AGBL4: variants seen among roughly 807,000 people sequenced by gnomAD.
The protein encoded by AGBL4 is cytosolic carboxypeptidase 6.
AGBL4 carries 58 observed loss-of-function variants against 66.4 expected under a neutral mutation model. That is an observed-to-expected ratio of 0.87 (90% CI 0.71 to 1.09). The LOEUF (loss-of-function observed/expected upper bound fraction) is 1.09. Among genes scored for constraint, AGBL4 ranks in the 50% least tolerant of loss-of-function variants. The probability of loss-of-function intolerance (pLI) is 0.00; values close to 1 mark genes in which losing one functional copy is unlikely to be tolerated. For synonymous variants in AGBL4, 234 were observed against 222.9 expected (o/e 1.05, Z -0.44); for missense variants, 579 against 631.0 (o/e 0.92, Z 0.88).
chr1:50,018,969 A>G (rs1235509980), intron 1 of AGBL4, among the ~76,000 whole-genome samples: 1 of 152,094 alleles, frequency 6.6e-6, no homozygotes, highest in East Asian at 1.9e-4. Flanking sequence ...TAACTTTAGC[A>G]CCAAAATTAA....
chr1:48,747,584 A>G (rs534203632), intron 6 of AGBL4, among the ~76,000 whole-genome samples: 3 of 152,362 alleles, frequency 2.0e-5, no homozygotes, highest in Non-Finnish European at 4.4e-5. Flanking sequence ...CAATAGATTT[A>G]GTGTTAGAAA....
chr1:49,423,476 A>G (rs1331991699), intron 3 of AGBL4, among the ~76,000 whole-genome samples: 1 of 152,174 alleles, frequency 6.6e-6, no homozygotes, highest in East Asian at 1.9e-4. Flanking sequence ...AGAATTTCAC[A>G]ATAGAAATCA....
At chr1:49,022,128 T>C (rs1432606233) in intron 5 of AGBL4, among the ~76,000 whole-genome samples, 1 of 152,200 alleles carries the variant, frequency 6.6e-6, no homozygotes, top group African/African-American at 2.4e-5. Flanking sequence ...TATCTTATTA[T>C]CCACTTTAAT....
Position 48,557,442 on chromosome 1 carries a change from C to T in AGBL4, c.1268-17704G>A, listed in dbSNP as rs79450874. Among the ~76,000 whole-genome samples the T allele has an allele frequency of 7.1e-3, 1,084 of 152,202 alleles. 20 individuals are homozygous for T. The highest frequency in any genetic ancestry group is 0.045 in the South Asian group (216 of 4,824). ...CAGAAGGTAAAGTGACCTGGCTCTT[C>T]CCCTCTCACTCCTTGGAAAGAAGGA... On this transcript the variant is annotated intron_variant, in intron 11 of 13. Coordinates refer to ENST00000371839, the MANE Select transcript of AGBL4 (RefSeq NM_032785.4).
intron 3 of AGBL4, among the ~76,000 whole-genome samples, chr1:49,634,373 T>A (rs1430250439): frequency 3.9e-5 from 6 of 152,170 alleles, no homozygotes; most frequent in African/African-American, 1.4e-4. Flanking sequence ...TTCATCCATG[T>A]CCCTGCAAAG....
intron 5 of AGBL4, among the ~76,000 whole-genome samples, chr1:48,919,594 T>C (rs1445538958): frequency 6.6e-6 from 1 of 152,116 alleles, no homozygotes; most frequent in Non-Finnish European, 1.5e-5. Context: ...TACAAATGGG[T>C]TAGATCAGGG....
chr1:48,713,502 G>A (rs6688700), intron 6 of AGBL4, among the ~76,000 whole-genome samples: 9,373 of 152,210 alleles, frequency 0.062, 403 homozygotes, highest in African/African-American at 0.13. Context: ...GAGAGGAGAG[G>A]TTAGGGCCCA....
At chr1:49,490,872 T>C (rs1254032043) in intron 3 of AGBL4, among the ~76,000 whole-genome samples, 1 of 151,754 alleles carries the variant, frequency 6.6e-6, no homozygotes, top group Non-Finnish European at 1.5e-5. Flanking sequence ...AAAGAAAATA[T>C]GAAAGGGGTT....
chr1:49,658,459 A>C (rs1051795497), intron 3 of AGBL4, among the ~76,000 whole-genome samples: 1 of 152,246 alleles, frequency 6.6e-6, no homozygotes, highest in African/African-American at 2.4e-5. Context: ...GCGATTCCTC[A>C]GGGATCTAGA....
intron 3 of AGBL4, among the ~76,000 whole-genome samples, chr1:49,577,550 T>C (rs946351195): frequency 1.2e-4 from 18 of 152,236 alleles, no homozygotes; most frequent in African/African-American, 3.6e-4. Flanking sequence ...CTCACTGGAA[T>C]AGACACTCAT....
rs867055724 is a variant in AGBL4, at chr1:49,257,996, G to C, written c.283-12132C>G. On this transcript the variant is annotated intron_variant, in intron 3 of 13. Coordinates refer to ENST00000371839, the MANE Select transcript of AGBL4 (RefSeq NM_032785.4). ...GAGGAACGATCAGACAGCAGCATTTGCAGTTCATGAAAATCCACGGTTCTG... is the reference window on the plus strand; with the variant it reads ...GAGGAACGATCAGACAGCAGCATTTCCAGTTCATGAAAATCCACGGTTCTG... Among the ~76,000 whole-genome samples, 6 of 152,290 alleles carry C rather than the reference G, an allele frequency of 3.9e-5. No homozygotes were observed. The South Asian group carries it at 1.2e-3, about 32-fold the overall frequency.
At chr1:49,702,803 A>C (rs773363799) in intron 2 of AGBL4, among the ~76,000 whole-genome samples, 1 of 152,196 alleles carries the variant, frequency 6.6e-6, no homozygotes, top group South Asian at 2.1e-4. Flanking sequence ...ACGAAAATCA[A>C]CTAATGCAAT....
intron 3 of AGBL4, among the ~76,000 whole-genome samples, chr1:49,580,424 T>C (rs1029497538): frequency 2.0e-5 from 3 of 152,222 alleles, no homozygotes; most frequent in Non-Finnish European, 2.9e-5. Flanking sequence ...ATTTGTGGTG[T>C]AGTGGAATTC....
chr1:48,950,468 G>A (rs1254523175), intron 5 of AGBL4, among the ~76,000 whole-genome samples: 1 of 152,190 alleles, frequency 6.6e-6, no homozygotes, highest in Admixed American at 6.5e-5. Context: ...TCATCAGCTA[G>A]CCAAATGTAA....
At chr1:49,640,247 T>C (rs1558124282) in intron 3 of AGBL4, among the ~76,000 whole-genome samples, 2 of 152,318 alleles carry the variant, frequency 1.3e-5, no homozygotes, top group Non-Finnish European at 1.5e-5. Context: ...TCAGGTGTTA[T>C]ACTTGTAATA....
chr1:49,002,726 T>C (rs952962067), intron 5 of AGBL4, among the ~76,000 whole-genome samples: 3 of 152,252 alleles, frequency 2.0e-5, no homozygotes, highest in Non-Finnish European at 4.4e-5. Context: ...TTCCAGCACA[T>C]TGACCTTTAT....
intron 3 of AGBL4, among the ~76,000 whole-genome samples, chr1:49,647,927 C>A (rs1316977707): frequency 2.0e-5 from 3 of 151,666 alleles, no homozygotes; most frequent in Non-Finnish European, 4.4e-5. Context: ...TATCTTACCA[C>A]CACATTACTA....
intron 6 of AGBL4, among the ~76,000 whole-genome samples, chr1:48,758,541 T>G (rs1389037536): frequency 6.6e-6 from 1 of 152,250 alleles, no homozygotes; most frequent in African/African-American, 2.4e-5. Context: ...GTTAGGATCA[T>G]GTCTACTTCT....
At chr1:49,803,110 C>G (rs1451209677) in intron 2 of AGBL4, among the ~76,000 whole-genome samples, 1 of 150,472 alleles carries the variant, frequency 6.6e-6, no homozygotes, top group African/African-American at 2.4e-5. Flanking sequence ...TTTATATATT[C>G]ATAATTTATT....
Sources: allele counts gnomAD v4.1 joint callset (sites outside exome capture counted in the v4.1 genomes callset), GRCh38; gene constraint gnomAD v4.1.1; transcripts MANE v1.5; gene names NCBI Gene and HGNC (gene_info 2026-07-23, HGNC 2026-07-21).